Variants in CLTC observed in about 807,000 individuals in gnomAD.
CLTC encodes clathrin heavy chain.
CLTC carries 16 observed loss-of-function variants against 195.8 expected under a neutral mutation model. The ratio of observed to expected loss-of-function variants is 0.08; its 90% CI spans 0.06 to 0.12. CLTC has a LOEUF of 0.12. CLTC is among the 10% of genes least tolerant of loss of function. The probability of loss-of-function intolerance (pLI) is 1.00; values close to 1 mark genes in which losing one functional copy is unlikely to be tolerated. For synonymous variants in CLTC, 667 were observed against 689.4 expected, an observed-to-expected ratio of 0.97 and a Z score of 0.51; for missense variants, 796 against 2,027.0, an observed-to-expected ratio of 0.39 and a Z score of 11.66.
intron 1 of CLTC, among the ~76,000 whole-genome samples, chr17:59,620,530 C>CAG (rs904096815): frequency 1.3e-5 from 2 of 148,214 alleles, no homozygotes; most frequent in Non-Finnish European, 3.0e-5. Context: ...TTGTTTCTAC[C>CAG]AGAGCAAGGA....
chr17:59,672,825 T>TA (rs2032882587), intron 14 of CLTC, among the ~76,000 whole-genome samples: 1 of 152,184 alleles, frequency 6.6e-6, no homozygotes, highest in Non-Finnish European at 1.5e-5. Context: ...TACTTAGTTC[T>TA]GCTTCCCTAG....
At chr17:59,624,775 A>T (rs2031496508) in intron 1 of CLTC, among the ~76,000 whole-genome samples, 1 of 152,040 alleles carries the variant, frequency 6.6e-6, no homozygotes, top group African/African-American at 2.4e-5. Context: ...GGCCTCATAT[A>T]AATAATTTTT....
chr17:59,653,069 T>C (rs1234520612), intron 5 of CLTC, among the ~76,000 whole-genome samples: 1 of 152,208 alleles, frequency 6.6e-6, no homozygotes, highest in East Asian at 1.9e-4. Flanking sequence ...TTCTCACCTC[T>C]CTGAGCCTTC....
At chr17:59,690,522 T>C (rs2033272433) in intron 30 of CLTC, 114 bp from the exon 31 acceptor site, 1 of 673,738 alleles carries the variant, frequency 1.5e-6, no homozygotes, top group Non-Finnish European at 2.6e-6. Context: ...ATGTTCTTTC[T>C]AGTCTGTTTT....
rs749156687 is a variant in CLTC at position 59,679,484 on chromosome 17, G to C, written c.2884G>C (p.Glu962Gln). 6.2e-7 allele frequency: 1 copy of C among 1,610,502 alleles called. No individual in the cohort carries two copies. The highest frequency in any genetic ancestry group is 1.7e-5 in the Admixed American group (1 of 59,614). Reference sequence around the variant, plus strand: ...AGAATTGTGGGGCAGCGTGCTGCTGGAAAGCAATCCTTACAGGAGACCCCT... The same window carrying C: ...AGAATTGTGGGGCAGCGTGCTGCTGCAAAGCAATCCTTACAGGAGACCCCT... ...DPELWGSVLL[E>Q]SNPYRRPLID... is the part of the protein sequence containing the mutation. The change falls in exon 18 of 32, where the codon GAA (glutamate) becomes CAA (glutamine). Residue 962 changes from glutamate (E) to glutamine (Q), a missense_variant. Glu to Gln is a conservative substitution (Grantham distance 29). This residue lies in a region of CLTC where 160 missense variants were observed against 448.2 expected (regional missense o/e 0.36). Coordinates refer to ENST00000269122, the MANE Select transcript of CLTC (RefSeq NM_004859.4).
chr17:59,684,806 C>CCAA (rs2033146901), intron 28 of CLTC, among the ~76,000 whole-genome samples: 1 of 127,768 alleles, frequency 7.8e-6, no homozygotes, highest in Non-Finnish European at 1.6e-5. Context: ...GACTCCATCT[C>CCAA]AAAAAAAAAG....
chr17:59,684,053 A>T, intron 28 of CLTC, 68 bp downstream of exon 28: 5 of 1,018,592 alleles, frequency 4.9e-6, no homozygotes, highest in Non-Finnish European at 7.5e-6. Context: ...TTTTTTAAAA[A>T]AGCCATTATC....
At chr17:59,649,586 A>C (rs1047880040) in intron 4 of CLTC, among the ~76,000 whole-genome samples, 5 of 152,202 alleles carry the variant, frequency 3.3e-5, no homozygotes, top group Admixed American at 2.6e-4. Flanking sequence ...AGGCAGACCA[A>C]AAAATTTGAA....
At chr17:59,641,242 G>A (rs1043846547) in intron 1 of CLTC, among the ~76,000 whole-genome samples, 1 of 151,986 alleles carries the variant, frequency 6.6e-6, no homozygotes, top group Non-Finnish European at 1.5e-5. Flanking sequence ...AACTGCATTC[G>A]TAGTAGAATA....
intron 1 of CLTC, among the ~76,000 whole-genome samples, chr17:59,640,589 G>A (rs1435166248): frequency 3.3e-5 from 5 of 151,768 alleles, no homozygotes; most frequent in East Asian, 2.0e-4. Context: ...TAGTAGAAAC[G>A]GGGTTTCACT....
intron 18 of CLTC, among the ~76,000 whole-genome samples, chr17:59,679,806 C>T (rs1165556564): frequency 6.6e-6 from 1 of 151,946 alleles, no homozygotes; most frequent in African/African-American, 2.4e-5. Flanking sequence ...CGGTGGCTCA[C>T]GCCTGTAATT....
chr17:59,643,675 A>G (rs940586515), intron 1 of CLTC, among the ~76,000 whole-genome samples: 1 of 152,160 alleles, frequency 6.6e-6, no homozygotes, highest in Admixed American at 6.5e-5. Context: ...GCTTTACCAC[A>G]TGCTCTTTCT....
chr17:59,680,188 CTAAA>C (rs1189614829), intron 18 of CLTC, among the ~76,000 whole-genome samples: 2 of 152,064 alleles, frequency 1.3e-5, no homozygotes, highest in East Asian at 3.9e-4. Context: ...ACTTAAGTGG[CTAAA>C]TTGATTGGAA....
In CLTC at chr17:59,681,919, TAG is replaced by T; in HGVS notation, c.3442+82_3442+83del. Reference sequence around the variant, plus strand: ...TAAGATATCTGTCTATTCTGAATTTTAGAAGAGTTGGATACTGCATGGTTTCT... The same window carrying T: ...TAAGATATCTGTCTATTCTGAATTTTAAGAGTTGGATACTGCATGGTTTCT... On this transcript the variant is annotated intron_variant, in intron 21 of 31. Coordinates refer to ENST00000269122, the MANE Select transcript of CLTC (RefSeq NM_004859.4). The surrounding 1 kb of genome is among the most constrained non-coding windows in gnomAD (Gnocchi z 5.0). The T allele has an allele frequency of 7.8e-7, 1 of 1,288,948 alleles. No individual in the cohort carries two copies. Among genetic ancestry groups the T allele is most frequent in the Non-Finnish European group, 1.1e-6 (1 of 936,058 alleles). The allele number at this position is 1,288,948 out of a possible 1,614,324, so 79.8% of individuals were successfully genotyped here. A position where few individuals can be genotyped will look rare whatever the true frequency, so the allele number is the denominator to read the frequency against.
In CLTC at chr17:59,648,554, A is replaced by G. The variant is rs141981450; in HGVS notation, c.681+153A>G. 1.5e-6 allele frequency: 1 copy of G among 673,196 alleles called. No individual in the cohort carries two copies. The highest frequency in any genetic ancestry group is 2.5e-6 in the Non-Finnish European group (1 of 399,338). 41.7% of individuals were successfully genotyped at this position (673,196 alleles called of 1,614,324 possible). On this transcript the variant is annotated intron_variant, in intron 4 of 31. Transcript: ENST00000269122. This position sits in a 1 kb window ranked among gnomAD's most constrained non-coding sequence, Gnocchi z 4.5. ...CTTAATTTGTTCAAATTTTGCATCT[A>G]GTGATACTTGTCTAAAATGAATAAT...
At chr17:59,692,292 C>T (rs545987792) in intron 31 of CLTC, among the ~76,000 whole-genome samples, 1 of 151,090 alleles carries the variant, frequency 6.6e-6, no homozygotes, top group Admixed American at 6.6e-5. Context: ...ATTCCCTGGG[C>T]GACAGAGCGA....
chr17:59,685,352 T>A lies in CLTC; in HGVS notation c.4605+126T>A. 1 of 991,692 alleles carries A rather than the reference T, an allele frequency of 1.0e-6. No homozygotes were observed. Among genetic ancestry groups the A allele is most frequent in the Non-Finnish European group, 1.4e-6 (1 of 703,670 alleles). The allele number at this position is 991,692 out of a possible 1,614,324, so 61.4% of individuals were successfully genotyped here. On this transcript the variant is annotated intron_variant, in intron 29 of 31. Coordinates refer to ENST00000269122, the MANE Select transcript of CLTC (RefSeq NM_004859.4). This position sits in a 1 kb window ranked among gnomAD's most constrained non-coding sequence, Gnocchi z 5.0. ...AGAGCTGACTTTAAGGCAATTTAAG[T>A]TAATGGATTTCTTGATTCTAGGGGC...
At chr17:59,628,045 G>A (rs1032090970) in intron 1 of CLTC, among the ~76,000 whole-genome samples, 3 of 152,172 alleles carry the variant, frequency 2.0e-5, no homozygotes, top group Non-Finnish European at 4.4e-5. Context: ...TTACAGACTT[G>A]TAGGGTTGTG....
intron 1 of CLTC, among the ~76,000 whole-genome samples, chr17:59,631,579 A>C (rs997484815): frequency 1.3e-5 from 2 of 152,242 alleles, no homozygotes; most frequent in Non-Finnish European, 2.9e-5. Flanking sequence ...AAACATACAT[A>C]AACAATTGGT....
Sources: allele counts gnomAD v4.1 joint callset (sites outside exome capture counted in the v4.1 genomes callset), GRCh38; gene constraint gnomAD v4.1.1; regional missense constraint gnomAD v4.1.1; non-coding constraint Gnocchi (gnomAD v3.1); transcripts MANE v1.5; gene names NCBI Gene and HGNC (gene_info 2026-07-23, HGNC 2026-07-21).